CAT: variants seen among roughly 807,000 people sequenced by gnomAD.
The protein encoded by CAT is epididymis secretory sperm binding protein.
A neutral mutation model predicts 59.0 loss-of-function variants in CAT; 43 were observed. The ratio of observed to expected loss-of-function variants is 0.73; its 90% CI spans 0.57 to 0.94. The LOEUF is 0.94. CAT is among the 40% of genes least tolerant of loss of function. CAT has a pLI of 0.00. For missense variants in CAT, 664 were observed against 682.9 expected, an observed-to-expected ratio of 0.97 and a Z score of 0.31; for synonymous variants, 218 against 230.9, an observed-to-expected ratio of 0.94 and a Z score of 0.51.
At chr11:34,441,686 C>T (rs898030982) in intron 1 of CAT, among the ~76,000 whole-genome samples, 12 of 152,008 alleles carry the variant, frequency 7.9e-5, no homozygotes, top group South Asian at 2.1e-4. Context: ...CCCAGCTACT[C>T]GGGAAGTTGA....
chr11:34,450,429 A>G (rs1340856160), intron 2 of CAT, among the ~76,000 whole-genome samples: 4 of 152,200 alleles, frequency 2.6e-5, no homozygotes, highest in African/African-American at 9.7e-5. Context: ...TTGGAAAAAG[A>G]GCTCCACAGA....
intron 10 of CAT, 112 bp from the exon 11 acceptor site, chr11:34,468,176 T>A (rs554763683): frequency 1.2e-6 from 1 of 833,574 alleles, no homozygotes; most frequent in South Asian, 1.4e-5. Context: ...AAAATTATTC[T>A]TAACTTCTAA....
chr11:34,459,645 T>G (rs1856627581), intron 8 of CAT, among the ~76,000 whole-genome samples: 1 of 152,200 alleles, frequency 6.6e-6, no homozygotes, highest in Non-Finnish European at 1.5e-5. Flanking sequence ...GGGGAAGGCC[T>G]AGATTCAAGC....
At chr11:34,470,308 G>A (rs1169601775) in intron 11 of CAT, among the ~76,000 whole-genome samples, 1 of 152,142 alleles carries the variant, frequency 6.6e-6, no homozygotes, top group Non-Finnish European at 1.5e-5. Context: ...GGAAGGCCTC[G>A]GAGCTTCTGT....
intron 5 of CAT, 52 bp from the exon 6 acceptor site, chr11:34,453,749 G>A: frequency 1.3e-6 from 2 of 1,531,190 alleles, no homozygotes; most frequent in Admixed American, 1.7e-5. Context: ...AAAAATCAAG[G>A]ATGTTTTGAT....
In CAT at chr11:34,438,978, GCCT is replaced by G. The variant is rs1175968750; in HGVS notation, c.-32_-30del. The G allele has an allele frequency of 6.4e-7, 1 of 1,553,320 alleles. No individual in the cohort carries two copies. Among genetic ancestry groups the G allele is most frequent in the Non-Finnish European group, 8.7e-7 (1 of 1,144,890 alleles). On this transcript the variant is annotated 5_prime_UTR_variant, in exon 1 of 13. Transcript: ENST00000241052. The stretch of plus-strand genomic sequence containing the variant: ...TGAGGGTGGAGACCCACGAGCCGAG[GCCT>G]CCTGCAGTGTTCTGCACAGCAAACC...
intron 8 of CAT, among the ~76,000 whole-genome samples, chr11:34,457,299 G>A (rs1361256393): frequency 2.3e-5 from 3 of 127,852 alleles, no homozygotes; most frequent in Non-Finnish European, 3.1e-5. Context: ...TGCAACCTCC[G>A]CCTCCCAGGT....
intron 10 of CAT, among the ~76,000 whole-genome samples, chr11:34,465,086 G>A (rs1856699346): frequency 6.6e-6 from 1 of 152,130 alleles, no homozygotes; most frequent in African/African-American, 2.4e-5. Context: ...GGCTGTAGGT[G>A]GGCAGCTGCC....
chr11:34,438,970 G>A lies in CAT; in HGVS notation c.-44G>A. On this transcript the variant is annotated 5_prime_UTR_variant, in exon 1 of 13. Transcript: ENST00000241052. ...TTGCCTGCTGAGGGTGGAGACCCAC[G>A]AGCCGAGGCCTCCTGCAGTGTTCTG... 6.5e-7 allele frequency: 1 copy of A among 1,534,350 alleles called. No homozygotes were observed. Among genetic ancestry groups the A allele is most frequent in the Non-Finnish European group, 8.9e-7 (1 of 1,129,794 alleles).
At chr11:34,456,986 C>CAAGG in intron 8 of CAT, 169 bp downstream of exon 8, 1 of 695,188 alleles carries the variant, frequency 1.4e-6, no homozygotes, top group Non-Finnish European at 2.5e-6. Flanking sequence ...AACTATTCTT[C>CAAGG]AATGAGCATT....
intron 8 of CAT, among the ~76,000 whole-genome samples, chr11:34,457,204 C>CTTTTTTTTTTTTTTTTT (rs899442681): frequency 3.0e-5 from 2 of 66,180 alleles, no homozygotes; most frequent in African/African-American, 6.0e-5. Flanking sequence ...TTTTCTTGTT[C>CTTTTTTTTTTTTTTTTT]TTTTTTTTTT....
intron 2 of CAT, among the ~76,000 whole-genome samples, 184 bp from the exon 3 acceptor site, chr11:34,450,804 A>T (rs1397404734): frequency 6.6e-6 from 1 of 152,202 alleles, no homozygotes; most frequent in Non-Finnish European, 1.5e-5. Flanking sequence ...TGAATGATAG[A>T]ATAGGGCTTT....
intron 8 of CAT, among the ~76,000 whole-genome samples, chr11:34,457,126 C>T (rs758287220): frequency 2.0e-5 from 3 of 149,578 alleles, no homozygotes; most frequent in Non-Finnish European, 3.0e-5. Context: ...TAGAGTGAAG[C>T]ATGGTTTGTT....
In CAT at chr11:34,468,312, C is replaced by A; in HGVS notation, c.1351C>A (p.Leu451Met). Residue 451 changes from leucine (L) to methionine (M), a missense_variant, in exon 11 of 13, where the codon CTG (leucine) becomes ATG (methionine). Physicochemically the swap from Leu to Met is conservative, Grantham distance 15. Coordinates refer to ENST00000241052, the MANE Select transcript of CAT (RefSeq NM_001752.4). The part of the protein sequence containing the change: ...TQVRAFYVNV[L>M]NEEQRKRLCE... ...GGTGCGGGCATTCTATGTGAACGTG[C>A]TGAATGAGGAACAGAGGAAACGTCT... 1 of 1,613,898 alleles carries A rather than the reference C, an allele frequency of 6.2e-7. No homozygotes were observed.
At chr11:34,464,412 A>ACCAG (rs1856690010) in intron 10 of CAT, among the ~76,000 whole-genome samples, 177 bp downstream of exon 10, 1 of 152,166 alleles carries the variant, frequency 6.6e-6, no homozygotes, top group Admixed American at 6.5e-5. Context: ...GAAGGGTTAT[A>ACCAG]TTACTCTGGT....
chr11:34,453,635 T>A (rs1448219176), intron 5 of CAT, among the ~76,000 whole-genome samples, 166 bp from the exon 6 acceptor site: 1 of 152,238 alleles, frequency 6.6e-6, no homozygotes, highest in Non-Finnish European at 1.5e-5. Context: ...TTTTTCTGTT[T>A]GTTATTTTCT....
intron 6 of CAT, among the ~76,000 whole-genome samples, chr11:34,455,044 C>T (rs1856573248): frequency 6.6e-6 from 1 of 152,154 alleles, no homozygotes; most frequent in Non-Finnish European, 1.5e-5. Flanking sequence ...TTATTCTGAC[C>T]TAAGATTATT....
At chr11:34,465,471 A>C (rs1390725533) in intron 10 of CAT, among the ~76,000 whole-genome samples, 2 of 152,202 alleles carry the variant, frequency 1.3e-5, no homozygotes, top group African/African-American at 4.8e-5. Flanking sequence ...ATTACAGTAC[A>C]TTCCCTGCCT....
intron 1 of CAT, among the ~76,000 whole-genome samples, chr11:34,448,964 C>T (rs1206090288): frequency 1.3e-5 from 2 of 152,136 alleles, no homozygotes; most frequent in African/African-American, 4.8e-5. Flanking sequence ...TTCTGCTCTT[C>T]AGAGCAAGTT....
Sources: allele counts gnomAD v4.1 joint callset (sites outside exome capture counted in the v4.1 genomes callset), GRCh38; gene constraint gnomAD v4.1.1; transcripts MANE v1.5; gene names NCBI Gene and HGNC (gene_info 2026-07-23, HGNC 2026-07-21).